Variants in BHMT2 observed in about 807,000 individuals in gnomAD.
BHMT2 encodes betaine--homocysteine S-methyltransferase 2.
In BHMT2, 28 loss-of-function variants were observed where a neutral mutation model predicts 39.0. That is an observed-to-expected ratio of 0.72 (90% CI 0.53 to 0.98). The LOEUF is 0.98. Ranked by LOEUF, BHMT2 falls within the 50% of genes least tolerant of loss-of-function variation. The pLI is 0.00. For missense variants in BHMT2, 410 were observed against 455.6 expected (o/e 0.90, Z 0.91); for synonymous variants, 145 against 160.6 (o/e 0.90, Z 0.74).
chr5:79,075,757 T>C (rs1353040034), intron 1 of BHMT2, among the ~76,000 whole-genome samples: 2 of 152,190 alleles, frequency 1.3e-5, no homozygotes, highest in African/African-American at 4.8e-5. Flanking sequence ...TGGGGAGATG[T>C]GCTTTAGACC....
chr5:79,083,064 A>G (rs1755821746), intron 5 of BHMT2, 108 bp downstream of exon 5: 1 of 1,574,690 alleles, frequency 6.4e-7, no homozygotes, highest in South Asian at 1.1e-5. Context: ...ATGAACTCCA[A>G]TCAGTTTTCT....
At chr5:79,088,351 G>A in intron 7 of BHMT2, 142 bp from the exon 8 acceptor site, 1 of 501,798 alleles carries the variant, frequency 2.0e-6, no homozygotes, top group Admixed American at 4.6e-5. Context: ...TATCCACCAA[G>A]TTTTGACTGT....
At chr5:79,079,947 G>T (rs1755754519) in intron 3 of BHMT2, among the ~76,000 whole-genome samples, 1 of 152,200 alleles carries the variant, frequency 6.6e-6, no homozygotes, top group Non-Finnish European at 1.5e-5. Flanking sequence ...TCCCATTTAG[G>T]TAGAGGAGGG....
chr5:79,088,155 G>A (rs1285339646), intron 7 of BHMT2, among the ~76,000 whole-genome samples: 1 of 152,220 alleles, frequency 6.6e-6, no homozygotes, highest in Non-Finnish European at 1.5e-5. Flanking sequence ...ACTCCAGCCT[G>A]GGCAACAGAG....
intron 2 of BHMT2, 74 bp from the exon 3 acceptor site, chr5:79,079,295 C>G: frequency 1.7e-6 from 2 of 1,159,962 alleles, no homozygotes; most frequent in Non-Finnish European, 2.5e-6. Flanking sequence ...GCTACTGCTG[C>G]TTTTGAAAAT....
chr5:79,077,397 C>T, intron 1 of BHMT2, 83 bp from the exon 2 acceptor site: 1 of 1,514,184 alleles, frequency 6.6e-7, no homozygotes, highest in South Asian at 1.3e-5. Flanking sequence ...AACGTAATAC[C>T]ACTTCACCTA....
intron 1 of BHMT2, among the ~76,000 whole-genome samples, chr5:79,076,037 C>G (rs1324133158): frequency 2.0e-5 from 3 of 152,158 alleles, no homozygotes; most frequent in African/African-American, 7.2e-5. Flanking sequence ...TTTCTGTATC[C>G]TGGGGTTCTT....
rs1171823007 is a variant in BHMT2, at chr5:79,070,687, AG to A, written c.33+873del. 1.7e-4 allele frequency among the ~76,000 whole-genome samples: 26 copies of A among 152,338 alleles called. No homozygotes were observed. In the East Asian group the frequency reaches 4.6e-3, roughly 27 times the overall value. On this transcript the variant is annotated intron_variant, in intron 1 of 7. Transcript: ENST00000255192. ...TATACTAAAAAGTTAGAAACGACCA[AG>A]ATACTCTGCAATACGGGATTCTAAA...
At position 79,079,445 on chromosome 5, in the gene BHMT2, C is replaced by T. The variant is rs1288988564; in HGVS notation, c.243C>T (p.Asp81=). 3 of 1,612,814 alleles carry T rather than the reference C, an allele frequency of 1.9e-6. No homozygotes were observed. The highest frequency in any genetic ancestry group is 1.3e-5 in the African/African-American group (1 of 74,900). The change falls in exon 3 of 8, where the codon GAC becomes GAT. Residue 81 remains aspartate (D), a synonymous_variant. Coordinates refer to ENST00000255192, the MANE Select transcript of BHMT2 (RefSeq NM_017614.5). ...CTTTTACCTTTTCTGCCAGTGAGGACAATATGGAAAGCAAGGTAAACGGCA... is the reference window on the plus strand; with the variant it reads ...CTTTTACCTTTTCTGCCAGTGAGGATAATATGGAAAGCAAGGTAAACGGCA... ...MQTFTFSASE[D]NMESKWEDVN...
At chr5:79,081,365 C>T (rs536694682) in intron 4 of BHMT2, among the ~76,000 whole-genome samples, 19 of 152,322 alleles carry the variant, frequency 1.2e-4, no homozygotes, top group Admixed American at 7.2e-4. Context: ...CTCTTCTTGC[C>T]TCTCTGCTTT....
chr5:79,072,447 T>C (rs1175306547), intron 1 of BHMT2, among the ~76,000 whole-genome samples: 3 of 152,228 alleles, frequency 2.0e-5, no homozygotes, highest in Non-Finnish European at 4.4e-5. Context: ...TTTTTTCTTC[T>C]TCAGGACAAA....
rs1185222521 is a variant in BHMT2, at chr5:79,088,916, T to G, written c.*342T>G. ...TGAGGGTGAATTTGACACTTTAAAATAATCAGAAGTCACTGAGACCCAAAG... is the reference window on the plus strand; with the variant it reads ...TGAGGGTGAATTTGACACTTTAAAAGAATCAGAAGTCACTGAGACCCAAAG... On this transcript the variant is annotated 3_prime_UTR_variant, in exon 8 of 8. Transcript: ENST00000255192. 1.1e-5 allele frequency: 2 copies of G among 184,720 alleles called. No individual in the cohort carries two copies. Among genetic ancestry groups the G allele is most frequent in the African/African-American group, 4.7e-5 (2 of 42,324 alleles). The allele number at this position is 184,720 out of a possible 1,614,324, so 11.4% of individuals were successfully genotyped here. A position where few individuals can be genotyped will look rare whatever the true frequency, so the allele number is the denominator to read the frequency against.
intron 3 of BHMT2, 92 bp from the exon 4 acceptor site, chr5:79,080,595 A>T (rs59634611): frequency 8.3e-7 from 1 of 1,198,698 alleles, no homozygotes; most frequent in East Asian, 2.6e-5. Flanking sequence ...GCTTATACTC[A>T]TCTTACTTGT....
chr5:79,080,963 A>C, intron 4 of BHMT2, 85 bp downstream of exon 4: 1 of 1,273,194 alleles, frequency 7.9e-7, no homozygotes. Context: ...GGTATTGGAC[A>C]ACATTCTGCC....
Position 79,077,565 on chromosome 5 carries a change from A to G in BHMT2, c.119A>G (p.Lys40Arg). 6.2e-7 allele frequency: 1 copy of G among 1,614,016 alleles called. No homozygotes were observed. The highest frequency in any genetic ancestry group is 8.5e-7 in the Non-Finnish European group (1 of 1,179,978). ...ACTCTGGAGAAGAGAGGCTATGTGA[A>G]GGCTGGGCTCTGGACTCCAGAGGCA... ...LITLEKRGYV[K>R]AGLWTPEAVI... is the part of the protein sequence containing the mutation. Residue 40 changes from lysine to arginine, a missense_variant, in exon 2 of 8, where the codon AAG becomes AGG. Transcript: ENST00000255192.
In BHMT2 at chr5:79,077,569, T is replaced by C; in HGVS notation, c.123T>C (p.Ala41=). 6.2e-7 allele frequency: 1 copy of C among 1,614,034 alleles called. No homozygotes were observed. Among genetic ancestry groups the C allele is most frequent in the Non-Finnish European group, 8.5e-7 (1 of 1,179,990 alleles). ...ITLEKRGYVK[A]GLWTPEAVIE... Reference sequence around the variant, plus strand: ...TGGAGAAGAGAGGCTATGTGAAGGCTGGGCTCTGGACTCCAGAGGCAGTGA... The same window carrying C: ...TGGAGAAGAGAGGCTATGTGAAGGCCGGGCTCTGGACTCCAGAGGCAGTGA... Residue 41 remains alanine, a synonymous_variant, in exon 2 of 8, where the codon GCT becomes GCC. Coordinates refer to ENST00000255192, the MANE Select transcript of BHMT2 (RefSeq NM_017614.5).
intron 7 of BHMT2, among the ~76,000 whole-genome samples, chr5:79,088,261 A>G (rs1755944121): frequency 6.6e-6 from 1 of 152,078 alleles, no homozygotes; most frequent in South Asian, 2.1e-4. Context: ...ATTGAAATGT[A>G]AGAAAGGCCC....
rs1264362387 is a variant in BHMT2 at position 79,088,620 on chromosome 5, G to T, written c.*46G>T. 15 of 1,540,860 alleles carry T rather than the reference G, an allele frequency of 9.7e-6. No individual in the cohort carries two copies. Among genetic ancestry groups the T allele is most frequent in the African/African-American group, 1.4e-5 (1 of 73,264 alleles). On this transcript the variant is annotated 3_prime_UTR_variant, in exon 8 of 8. Coordinates refer to ENST00000255192, the MANE Select transcript of BHMT2 (RefSeq NM_017614.5). ...TGAAATAATCGAACAGGAAAAAGTTGCCCTCAAGCCTGACCTGGAACCGTT... is the reference window on the plus strand; with the variant it reads ...TGAAATAATCGAACAGGAAAAAGTTTCCCTCAAGCCTGACCTGGAACCGTT...
At chr5:79,086,315 A>G (rs1261622831) in intron 7 of BHMT2, among the ~76,000 whole-genome samples, 1 of 152,186 alleles carries the variant, frequency 6.6e-6, no homozygotes, top group Non-Finnish European at 1.5e-5. Context: ...TTTGCCCACA[A>G]GCAAAGTAGC....
Sources: gnomAD v4.1 joint callset for allele counts (sites outside exome capture counted in the v4.1 genomes callset) on GRCh38, gnomAD v4.1.1 for gene constraint, MANE v1.5 for transcripts, NCBI Gene and HGNC (gene_info 2026-07-23, HGNC 2026-07-21) for gene names.